Variants in RAB22A observed in about 807,000 individuals in gnomAD.
RAB22A encodes the protein RAB22A, member RAS oncogene family.
A neutral mutation model predicts 30.2 loss-of-function variants in RAB22A; 13 were observed. The observed-to-expected ratio is 0.43, with a 90% CI of 0.28 to 0.68. The LOEUF is 0.68. RAB22A is among the 30% of genes least tolerant of loss of function. The probability of loss-of-function intolerance (pLI) is 0.18; values close to 1 mark genes in which losing one functional copy is unlikely to be tolerated. For synonymous variants in RAB22A, 89 were observed against 87.2 expected (o/e 1.02, Z -0.11); for missense variants, 177 against 246.8 (o/e 0.72, Z 1.89).
At chr20:58,333,961 G>C (rs1451155280) in intron 2 of RAB22A, among the ~76,000 whole-genome samples, 1 of 152,174 alleles carries the variant, frequency 6.6e-6, no homozygotes, top group Non-Finnish European at 1.5e-5. Context: ...GGGAGACTGA[G>C]GTGGGAGGAT....
chr20:58,309,956 C>G lies in RAB22A; in HGVS notation c.-21C>G. On this transcript the variant is annotated 5_prime_UTR_variant, in exon 1 of 7. Coordinates refer to ENST00000244040, the MANE Select transcript of RAB22A (RefSeq NM_020673.3). ...TCTCAACTTAGGGCGGCGGCGGGCCCGCGCCCCTGGCTCCCGGGCCATGGC... is the reference window on the plus strand; with the variant it reads ...TCTCAACTTAGGGCGGCGGCGGGCCGGCGCCCCTGGCTCCCGGGCCATGGC... 7.9e-7 allele frequency: 1 copy of G among 1,264,754 alleles called. No individual in the cohort carries two copies. Among genetic ancestry groups the G allele is most frequent in the Non-Finnish European group, 1.0e-6 (1 of 997,492 alleles). The allele number at this position is 1,264,754 out of a possible 1,614,324, so 78.3% of individuals were successfully genotyped here.
chr20:58,318,469 A>G (rs1036266192), intron 2 of RAB22A, among the ~76,000 whole-genome samples: 1 of 152,196 alleles, frequency 6.6e-6, no homozygotes, highest in Admixed American at 6.5e-5. Context: ...CCATTGGAGT[A>G]TTTTGGATTT....
chr20:58,355,646 C>G (rs929569195), intron 6 of RAB22A, among the ~76,000 whole-genome samples: 2 of 151,886 alleles, frequency 1.3e-5, no homozygotes, highest in Admixed American at 6.6e-5. Context: ...ATAGTATAAC[C>G]CTATGTCTAA....
intron 2 of RAB22A, among the ~76,000 whole-genome samples, chr20:58,320,497 G>A (rs1270513961): frequency 2.0e-5 from 3 of 152,002 alleles, no homozygotes; most frequent in Non-Finnish European, 4.4e-5. Flanking sequence ...TTTCTGAACT[G>A]TCCAGCTATA....
chr20:58,336,616 A>G (rs751729546), intron 2 of RAB22A, among the ~76,000 whole-genome samples: 2 of 152,218 alleles, frequency 1.3e-5, no homozygotes, highest in Non-Finnish European at 2.9e-5. Context: ...AAAAAAAGAG[A>G]GTGATTTTTT....
intron 2 of RAB22A, among the ~76,000 whole-genome samples, chr20:58,319,462 G>T (rs529802607): frequency 6.6e-6 from 1 of 152,176 alleles, no homozygotes; most frequent in Non-Finnish European, 1.5e-5. Flanking sequence ...TGCTGTAGAT[G>T]TATAGAAAGT....
chr20:58,354,358 G>T, intron 6 of RAB22A, 93 bp downstream of exon 6: 1 of 814,806 alleles, frequency 1.2e-6, no homozygotes, highest in East Asian at 2.8e-5. Flanking sequence ...ACTTAGAGCA[G>T]TCTAGTCTCT....
At chr20:58,338,059 T>C (rs560919533) in intron 2 of RAB22A, among the ~76,000 whole-genome samples, 1 of 152,226 alleles carries the variant, frequency 6.6e-6, no homozygotes, top group South Asian at 2.1e-4. Flanking sequence ...CGGATCTCGC[T>C]CTTGTCGCCC....
chr20:58,312,311 T>C (rs71335473), intron 2 of RAB22A, among the ~76,000 whole-genome samples: 5 of 145,424 alleles, frequency 3.4e-5, no homozygotes, highest in African/African-American at 5.2e-5. Context: ...CAGGCTGGAG[T>C]GCAGTGGCAC....
intron 3 of RAB22A, among the ~76,000 whole-genome samples, chr20:58,348,289 A>C (rs1298449768): frequency 1.3e-5 from 2 of 152,148 alleles, no homozygotes; most frequent in Non-Finnish European, 2.9e-5. Flanking sequence ...AAAAATGTAC[A>C]TTCCTGCATC....
intron 2 of RAB22A, among the ~76,000 whole-genome samples, chr20:58,314,840 CAAAA>C (rs200960489): frequency 1.4e-5 from 2 of 139,766 alleles, no homozygotes; most frequent in Non-Finnish European, 3.1e-5. Flanking sequence ...GACTCCATCT[CAAAA>C]AAAAAAGAAA....
Position 58,353,335 on chromosome 20 carries a change from C to T in RAB22A, c.261C>T (p.Ile87=). The T allele has an allele frequency of 1.9e-6, 3 of 1,613,860 alleles. No homozygotes were observed. The highest frequency in any genetic ancestry group is 2.5e-6 in the Non-Finnish European group (3 of 1,179,796). Residue 87 remains isoleucine, a synonymous_variant, in exon 4 of 7, where the codon ATC becomes ATT. Transcript: ENST00000244040. ...CTGCAGCTATAATCGTTTATGATAT[C>T]ACAAAAGAAGTAAGACTATATAGTT... ...GSAAAIIVYD[I]TKEETFSTLK... is the part of the protein sequence containing the mutation.
chr20:58,359,545 A>T, intron 6 of RAB22A, 61 bp from the exon 7 acceptor site: 1 of 1,256,136 alleles, frequency 8.0e-7, no homozygotes, highest in Non-Finnish European at 1.1e-6. Flanking sequence ...TTGCATCTGC[A>T]AAATTGTTGT....
rs897665069 is a variant in RAB22A at position 58,364,292 on chromosome 20, C to T, written c.*4589C>T. 1.2e-4 allele frequency: 19 copies of T among 152,146 alleles called. No homozygotes were observed. Among genetic ancestry groups the T allele is most frequent in the Non-Finnish European group, 2.6e-4 (18 of 68,018 alleles). The allele number at this position is 152,146 out of a possible 1,614,324, so 9.4% of individuals were successfully genotyped here. A position where few individuals can be genotyped will look rare whatever the true frequency, so the allele number is the denominator to read the frequency against. The stretch of plus-strand genomic sequence containing the variant: ...GGAAAATGATTTACCTTCCAGATCT[C>T]GAAGGACTTCCAATAGCATAGATCA... On this transcript the variant is annotated 3_prime_UTR_variant, in exon 7 of 7. Transcript: ENST00000244040.
chr20:58,337,760 ATCCTAACTGCACCTCTCAC>A (rs1986783799), intron 2 of RAB22A, among the ~76,000 whole-genome samples: 2 of 152,136 alleles, frequency 1.3e-5, no homozygotes, highest in African/African-American at 4.8e-5. Context: ...CTGGCTGTGG[ATCCTAACTGCACCTCTCAC>A]CAGCCCTGTC....
intron 2 of RAB22A, among the ~76,000 whole-genome samples, chr20:58,325,360 C>A (rs1226959349): frequency 6.6e-6 from 1 of 151,994 alleles, no homozygotes; most frequent in East Asian, 1.9e-4. Context: ...GCCTGTAATC[C>A]CAGCTACTGG....
intron 5 of RAB22A, 33 bp from the exon 6 acceptor site, chr20:58,354,123 T>C (rs571167348): frequency 6.0e-6 from 9 of 1,501,390 alleles, no homozygotes; most frequent in Middle Eastern, 1.7e-4. Context: ...TCTTCATGGG[T>C]AGAATTTCTG....
rs74924936 is a variant in RAB22A at position 58,359,454 on chromosome 20, C to G, written c.488-152C>G. 4.9e-3 allele frequency: 2,497 copies of G among 510,792 alleles called. 14 individuals are homozygous for G. The highest frequency in any genetic ancestry group is 5.8e-3 in the Non-Finnish European group (1,749 of 303,680). The allele number at this position is 510,792 out of a possible 1,614,324, so 31.6% of individuals were successfully genotyped here. A position where few individuals can be genotyped will look rare whatever the true frequency, so the allele number is the denominator to read the frequency against. On this transcript the variant is annotated intron_variant, in intron 6 of 6. Transcript: ENST00000244040. ...GAGCTCTATCATCTTTGCAGCTTTT[C>G]TATAAATCTAAAATTATTCGAGTAT...
rs1460553584 is a variant in RAB22A at position 58,309,735 on chromosome 20, C to G, written c.-242C>G. 1 of 244,074 alleles carries G rather than the reference C, an allele frequency of 4.1e-6. No homozygotes were observed. The highest frequency in any genetic ancestry group is 8.3e-5 in the East Asian group (1 of 12,026). 15.1% of individuals were successfully genotyped at this position (244,074 alleles called of 1,614,324 possible). A position where few individuals can be genotyped will look rare whatever the true frequency, so the allele number is the denominator to read the frequency against. On this transcript the variant is annotated 5_prime_UTR_variant, in exon 1 of 7. Transcript: ENST00000244040. ...AGGTCAGGTGACGCGGCCGGCGTCC[C>G]AAGATGGCGGCGGCGGCGGCTCCCG...
Sources: allele counts gnomAD v4.1 joint callset (sites outside exome capture counted in the v4.1 genomes callset), GRCh38; gene constraint gnomAD v4.1.1; transcripts MANE v1.5; gene names NCBI Gene and HGNC (gene_info 2026-07-23, HGNC 2026-07-21).